Variants in ZNF790 observed in about 807,000 individuals in gnomAD.
ZNF790 encodes zinc finger protein 790.
Under a neutral mutation model 12.1 loss-of-function variants are expected in ZNF790, and 8 were observed. The ratio of observed to expected loss-of-function variants is 0.66; its 90% CI spans 0.39 to 1.19. The LOEUF (loss-of-function observed/expected upper bound fraction) is 1.19, where lower values mean the gene tolerates loss of function less well. ZNF790 is among the 50% of genes most tolerant of loss of function. The probability of loss-of-function intolerance (pLI) is 0.01; values close to 1 mark genes in which losing one functional copy is unlikely to be tolerated. For missense variants in ZNF790, 707 were observed against 752.2 expected, an observed-to-expected ratio of 0.94 and a Z score of 0.70; for synonymous variants, 252 against 244.3, an observed-to-expected ratio of 1.03 and a Z score of -0.29.
At chr19:36,829,529 C>G (rs961061993) in intron 1 of ZNF790, among the ~76,000 whole-genome samples, 1 of 152,168 alleles carries the variant, frequency 6.6e-6, no homozygotes, top group African/African-American at 2.4e-5. Flanking sequence ...TCTACCCATT[C>G]GTCTATTAAT....
intron 4 of ZNF790, among the ~76,000 whole-genome samples, chr19:36,821,900 A>G (rs1304706592): frequency 6.6e-6 from 1 of 152,002 alleles, no homozygotes; most frequent in East Asian, 1.9e-4. Flanking sequence ...CTTGTCTTTT[A>G]TGACACTGTG....
chr19:36,832,969 C>A, intron 1 of ZNF790, among the ~76,000 whole-genome samples: 1 of 111,076 alleles, frequency 9.0e-6, no homozygotes, highest in Non-Finnish European at 2.0e-5. Context: ...AGAATGAGAC[C>A]TTCTCTAAAA....
intron 1 of ZNF790, among the ~76,000 whole-genome samples, chr19:36,847,279 A>T (rs1370354353): frequency 6.6e-6 from 1 of 151,718 alleles, no homozygotes; most frequent in Non-Finnish European, 1.5e-5. Context: ...TGAACCCGGG[A>T]GGCAGTGGTT....
At chr19:36,821,227 T>A (rs960216473) in intron 4 of ZNF790, among the ~76,000 whole-genome samples, 12 of 152,222 alleles carry the variant, frequency 7.9e-5, no homozygotes, top group Non-Finnish European at 1.2e-4. Flanking sequence ...GCAAGTACTC[T>A]AGCAGTGACT....
intron 4 of ZNF790, among the ~76,000 whole-genome samples, chr19:36,822,570 CTG>C (rs2071697927): frequency 6.6e-6 from 1 of 152,210 alleles, no homozygotes; most frequent in Non-Finnish European, 1.5e-5. Context: ...TGGAGTCTGA[CTG>C]TACTCCAGCC....
At chr19:36,833,490 A>G (rs1410548062) in intron 1 of ZNF790, among the ~76,000 whole-genome samples, 2 of 151,766 alleles carry the variant, frequency 1.3e-5, no homozygotes, top group African/African-American at 4.9e-5. Context: ...AAGAAGACCT[A>G]AACAAATGAA....
In ZNF790 at chr19:36,818,816, C is replaced by A. The variant is rs139458377; in HGVS notation, c.1528G>T (p.Glu510Ter). The change falls in exon 5 of 5, where the codon GAA becomes TAA. Residue 510 changes from glutamate (E) to a stop codon, truncating the protein, a stop_gained. Coordinates refer to ENST00000356725, the MANE Select transcript of ZNF790 (RefSeq NM_206894.4). LOFTEE classifies it low-confidence loss of function (END_TRUNC). Reference sequence around the variant, plus strand: ...CCCCAGAGAAAGGCTTTTCCACATTCTTCACATTCATATGGCCTCTTTCCA... The same window carrying A: ...CCCCAGAGAAAGGCTTTTCCACATTATTCACATTCATATGGCCTCTTTCCA... ...HTGKRPYECE[E>*]CGKAFLWGSQ... 167 of 1,612,318 alleles carry A rather than the reference C, an allele frequency of 1.0e-4. No homozygotes were observed. Among genetic ancestry groups the A allele is most frequent in the Admixed American group, 3.7e-4 (22 of 59,656 alleles).
intron 1 of ZNF790, among the ~76,000 whole-genome samples, chr19:36,829,455 AATCAGTACTTC>A (rs1330647442): frequency 6.6e-6 from 1 of 152,234 alleles, no homozygotes; most frequent in African/African-American, 2.4e-5. Flanking sequence ...TTGTAGCATG[AATCAGTACTTC>A]ATTCCTTGCT....
At chr19:36,827,133 CACACACACATATATAT>C (rs1166382295) in intron 1 of ZNF790, among the ~76,000 whole-genome samples, 3 of 73,894 alleles carry the variant, frequency 4.1e-5, no homozygotes, top group African/African-American at 1.9e-4. Context: ...CACACACACA[CACACACACATATATAT>C]ATATATATAT....
In ZNF790 at chr19:36,819,385, C is replaced by T; in HGVS notation, c.959G>A (p.Ser320Asn). The T allele has an allele frequency of 6.2e-7, 1 of 1,613,094 alleles. No individual in the cohort carries two copies. Among genetic ancestry groups the T allele is most frequent in the Non-Finnish European group, 8.5e-7 (1 of 1,179,432 alleles). Reference sequence around the variant, plus strand: ...ATGTTTAATAAGATGTGATCGCTGACTAAAGGCCTTTCTACATTCATTACA... The same window carrying T: ...ATGTTTAATAAGATGTGATCGCTGATTAAAGGCCTTTCTACATTCATTACA... Reference protein sequence around the residue: ...YECNECRKAFSQRSHLIKHQR... With the variant: ...YECNECRKAFNQRSHLIKHQR... The change falls in exon 5 of 5, where the codon AGT becomes AAT. Residue 320 changes from serine to asparagine, a missense_variant. By Grantham distance (46) the Ser-to-Asn change is conservative. Coordinates refer to ENST00000356725, the MANE Select transcript of ZNF790 (RefSeq NM_206894.4).
At chr19:36,833,229 G>T (rs1433663054) in intron 1 of ZNF790, among the ~76,000 whole-genome samples, 1 of 152,132 alleles carries the variant, frequency 6.6e-6, no homozygotes, top group Non-Finnish European at 1.5e-5. Context: ...TGCAACTTCC[G>T]CCTCCCGGGT....
At position 36,817,784 on chromosome 19, in the gene ZNF790, A is replaced by G. The variant is rs952249211; in HGVS notation, c.*649T>C. ...TGTGGAAATACAACAGAATTTTGCTAATGATGAAAGATTTCCAAAATGAAT... is the reference window on the plus strand; with the variant it reads ...TGTGGAAATACAACAGAATTTTGCTGATGATGAAAGATTTCCAAAATGAAT... On this transcript the variant is annotated 3_prime_UTR_variant, in exon 5 of 5. Transcript: ENST00000356725. 1.3e-5 allele frequency: 2 copies of G among 152,170 alleles called. No individual in the cohort carries two copies. The highest frequency in any genetic ancestry group is 1.5e-5 in the Non-Finnish European group (1 of 68,026). 9.4% of individuals were successfully genotyped at this position (152,170 alleles called of 1,614,324 possible).
Position 36,818,604 on chromosome 19 carries a change from T to G in ZNF790, c.1740A>C (p.Gln580His). 6.2e-7 allele frequency: 1 copy of G among 1,611,388 alleles called. No individual in the cohort carries two copies. The highest frequency in any genetic ancestry group is 1.3e-5 in the African/African-American group (1 of 74,950). ...IFSHHSYFTE[Q>H]KIHNSANLCE... ...AGAGATTTGCACTATTATGAATTTT[T>G]TGTTCAGTAAAATATGAATGGTGAC... The change falls in exon 5 of 5, where the codon CAA becomes CAC. Residue 580 changes from glutamine to histidine, a missense_variant. Physicochemically the swap from Gln to His is conservative, Grantham distance 24. Transcript: ENST00000356725.
chr19:36,825,750 G>C, intron 1 of ZNF790, 58 bp from the exon 2 acceptor site: 3 of 996,774 alleles, frequency 3.0e-6, no homozygotes, highest in Non-Finnish European at 4.8e-6. Flanking sequence ...GGGACAAATA[G>C]GAAATGCCAT....
intron 1 of ZNF790, among the ~76,000 whole-genome samples, chr19:36,846,814 C>G (rs1227484587): frequency 6.6e-6 from 1 of 152,162 alleles, no homozygotes; most frequent in East Asian, 1.9e-4. Flanking sequence ...ATTCTTGATG[C>G]TCTGGCATTT....
chr19:36,843,709 T>C (rs1399209594), intron 1 of ZNF790, among the ~76,000 whole-genome samples: 1 of 152,060 alleles, frequency 6.6e-6, no homozygotes, highest in African/African-American at 2.4e-5. Context: ...CAGAAAACTC[T>C]GAAAAAACAA....
At chr19:36,834,112 G>A (rs563204462) in intron 1 of ZNF790, among the ~76,000 whole-genome samples, 14 of 151,896 alleles carry the variant, frequency 9.2e-5, no homozygotes, top group African/African-American at 1.7e-4. Context: ...ACATGGTGGC[G>A]CATGCCTGTA....
intron 1 of ZNF790, among the ~76,000 whole-genome samples, chr19:36,831,219 TAAAA>T: frequency 6.6e-6 from 1 of 151,316 alleles, no homozygotes. Flanking sequence ...AAAAACTCAC[TAAAA>T]AAATCAGAGA....
chr19:36,837,742 C>G (rs2072074411), intron 1 of ZNF790: 1 of 152,202 alleles, frequency 6.6e-6, no homozygotes, highest in African/African-American at 2.4e-5. Flanking sequence ...TGTTCCCCAG[C>G]CGTCTTCCCC....
Sources: allele counts gnomAD v4.1 joint callset (sites outside exome capture counted in the v4.1 genomes callset), GRCh38; gene constraint gnomAD v4.1.1; transcripts MANE v1.5; gene names NCBI Gene and HGNC (gene_info 2026-07-23, HGNC 2026-07-21).